The following SHCBP1 variants were observed in gnomAD, a reference collection of about 807,000 sequenced individuals.
The protein encoded by SHCBP1 is SHC binding and spindle associated 1, also known as SHC SH2 domain-binding protein 1.
Under a neutral mutation model 75.1 loss-of-function variants are expected in SHCBP1, and 60 were observed. That is an observed-to-expected ratio of 0.80 (90% CI 0.65 to 0.99). The LOEUF (loss-of-function observed/expected upper bound fraction) is 0.99. Among genes scored for constraint, SHCBP1 ranks in the 50% least tolerant of loss-of-function variants. SHCBP1 has a pLI of 0.00. For synonymous variants in SHCBP1, 290 were observed against 293.2 expected (o/e 0.99, Z 0.11); for missense variants, 709 against 809.4 (o/e 0.88, Z 1.50).
At position 46,618,250 on chromosome 16, in the gene SHCBP1, G is replaced by A. The variant is rs1432943783; in HGVS notation, c.226C>T (p.Leu76Phe). 3 of 1,612,256 alleles carry A rather than the reference G, an allele frequency of 1.9e-6. No individual in the cohort carries two copies. Among genetic ancestry groups the A allele is most frequent in the Non-Finnish European group, 2.5e-6 (3 of 1,179,596 alleles). ...FFPEIFQTNQ[L>F]LFYERFRAYQ... ...GCTCTGAATCGCTCATAGAACAAAA[G>A]TTGATTTGTTTGGAAAATTTCTGGG... The change falls in exon 2 of 13, where the codon CTT becomes TTT. Residue 76 changes from leucine (L) to phenylalanine (F), a missense_variant. Coordinates refer to ENST00000303383, the MANE Select transcript of SHCBP1 (RefSeq NM_024745.5).
rs1404242516 is a variant in SHCBP1, at chr16:46,581,777, G to A, written c.1971C>T (p.Asn657=). 1 of 1,613,996 alleles carries A rather than the reference G, an allele frequency of 6.2e-7. No individual in the cohort carries two copies. Among genetic ancestry groups the A allele is most frequent in the African/African-American group, 1.3e-5 (1 of 74,904 alleles). The change falls in exon 13 of 13, where the codon AAC becomes AAT. Residue 657 remains asparagine (N), a synonymous_variant. Coordinates refer to ENST00000303383, the MANE Select transcript of SHCBP1 (RefSeq NM_024745.5). ...SQEMFVGIVG[N]QFKWNGKGSF... is the part of the protein sequence containing the mutation. Reference sequence around the variant, plus strand: ...TACCTTTCCCATTCCACTTGAACTGGTTCCCCACAATCCCAACAAACATCT... The same window carrying A: ...TACCTTTCCCATTCCACTTGAACTGATTCCCCACAATCCCAACAAACATCT...
At chr16:46,600,477 A>AATG (rs1232266772) in intron 8 of SHCBP1, among the ~76,000 whole-genome samples, 1 of 152,046 alleles carries the variant, frequency 6.6e-6, no homozygotes, top group Non-Finnish European at 1.5e-5. Flanking sequence ...CATCTCAAAA[A>AATG]ATGATAATAA....
At chr16:46,619,216 T>G (rs564682474) in intron 1 of SHCBP1, among the ~76,000 whole-genome samples, 2 of 152,254 alleles carry the variant, frequency 1.3e-5, no homozygotes, top group African/African-American at 4.8e-5. Flanking sequence ...TCTAATTCTA[T>G]GTAATGTTTT....
At chr16:46,584,322 CACACACA>C in intron 10 of SHCBP1, 1 of 320,114 alleles carries the variant, frequency 3.1e-6, no homozygotes, top group African/African-American at 2.1e-5. Flanking sequence ...CACACACACA[CACACACA>C]CGCTAAGAGT....
intron 4 of SHCBP1, among the ~76,000 whole-genome samples, chr16:46,615,075 C>T (rs1201067780): frequency 6.6e-6 from 1 of 152,178 alleles, no homozygotes; most frequent in Admixed American, 6.5e-5. Context: ...TCCTCTTCCT[C>T]CTCTGGTGAA....
At chr16:46,592,479 C>T (rs1965062364) in intron 10 of SHCBP1, among the ~76,000 whole-genome samples, 1 of 152,062 alleles carries the variant, frequency 6.6e-6, no homozygotes. Context: ...AAAGAGAAAT[C>T]TCCGGGCCCA....
chr16:46,592,963 A>AAAAAAAAAAAAAAG, intron 10 of SHCBP1, among the ~76,000 whole-genome samples: 1 of 144,284 alleles, frequency 6.9e-6, no homozygotes, highest in Admixed American at 6.9e-5. Context: ...AAAAAAAAAA[A>AAAAAAAAAAAAAAG]AAAAAAAAAA....
rs1567445537 is a variant in SHCBP1 at position 46,595,671 on chromosome 16, C to T, written c.1346-1G>A. The T allele has an allele frequency of 6.2e-7, 1 of 1,611,310 alleles. No individual in the cohort carries two copies. The highest frequency in any genetic ancestry group is 2.2e-5 in the East Asian group (1 of 44,846). On this transcript the variant is annotated splice_acceptor_variant, in intron 9 of 12. Transcript: ENST00000303383. LOFTEE classifies it high-confidence loss of function. ...AGCGTAGTCTTACCACGGTGAACAA[C>T]TGGGATGAAAATACACGCTGACTGT...
At chr16:46,602,317 A>T (rs1023686354) in intron 8 of SHCBP1, among the ~76,000 whole-genome samples, 1 of 152,226 alleles carries the variant, frequency 6.6e-6, no homozygotes, top group African/African-American at 2.4e-5. Flanking sequence ...AATTACACAC[A>T]TAAAATAAAA....
At chr16:46,610,003 T>C (rs1161225982) in intron 4 of SHCBP1, among the ~76,000 whole-genome samples, 1 of 151,240 alleles carries the variant, frequency 6.6e-6, no homozygotes, top group African/African-American at 2.4e-5. Flanking sequence ...CAGGCTGGAG[T>C]GCAACGGTGC....
chr16:46,607,382 C>G (rs1965341840), intron 5 of SHCBP1, among the ~76,000 whole-genome samples: 1 of 152,056 alleles, frequency 6.6e-6, no homozygotes, highest in South Asian at 2.1e-4. Context: ...CTTCAGCCTC[C>G]CAAATTACTG....
chr16:46,584,324 C>T (rs1436969559), intron 10 of SHCBP1: 3 of 300,428 alleles, frequency 1.0e-5, no homozygotes, highest in African/African-American at 6.5e-5. Flanking sequence ...CACACACACA[C>T]ACACACGCTA....
intron 4 of SHCBP1, among the ~76,000 whole-genome samples, chr16:46,612,350 A>G (rs755572125): frequency 2.6e-5 from 4 of 152,210 alleles, no homozygotes; most frequent in Admixed American, 1.3e-4. Context: ...GACTGTGATT[A>G]TATATAACTC....
chr16:46,620,934 G>A, intron 1 of SHCBP1: 1 of 288,634 alleles, frequency 3.5e-6, no homozygotes, highest in Non-Finnish European at 6.4e-6. Flanking sequence ...GGCCCCTTGA[G>A]CAACAGTAAA....
At position 46,581,832 on chromosome 16, in the gene SHCBP1, G is replaced by A. The variant is rs370886430; in HGVS notation, c.1916C>T (p.Thr639Met). The A allele has an allele frequency of 9.9e-6, 16 of 1,614,006 alleles. No homozygotes were observed. In the Admixed American group the frequency reaches 1.0e-4, roughly 10 times the overall value. Residue 639 changes from threonine (T) to methionine (M), a missense_variant, in exon 13 of 13, where the codon ACG (threonine) becomes ATG (methionine). Coordinates refer to ENST00000303383, the MANE Select transcript of SHCBP1 (RefSeq NM_024745.5). ...TGACATTAAGTTGTCATCAGCTTGCGTGATCCCCAGTTCACTCAACCTTTT... is the reference window on the plus strand; with the variant it reads ...TGACATTAAGTTGTCATCAGCTTGCATGATCCCCAGTTCACTCAACCTTTT... ...KKKRLSELGI[T>M]QADDNLMSQE...
chr16:46,579,025 T>C lies in SHCBP1; in HGVS notation c.*2704A>G, dbSNP rs1161098220. 2.0e-5 allele frequency among the ~76,000 whole-genome samples: 3 copies of C among 152,302 alleles called. No homozygotes were observed. The South Asian group carries it at 6.2e-4, about 32-fold the overall frequency. ...GATCAAATGATCTCTGGGCAGTTTT[T>C]AAAAATATATTCGTGTTAATATCTA... On this transcript the variant is annotated 3_prime_UTR_variant, in exon 13 of 13. Coordinates refer to ENST00000303383, the MANE Select transcript of SHCBP1 (RefSeq NM_024745.5).
intron 4 of SHCBP1, among the ~76,000 whole-genome samples, chr16:46,614,622 T>A (rs1054531264): frequency 1.3e-5 from 2 of 152,064 alleles, no homozygotes; most frequent in Admixed American, 6.6e-5. Context: ...CAGGAATACA[T>A]CCCCTAAGGA....
At chr16:46,617,881 A>G in intron 2 of SHCBP1, 132 bp from the exon 3 acceptor site, 1 of 765,634 alleles carries the variant, frequency 1.3e-6, no homozygotes, top group Non-Finnish European at 2.1e-6. Context: ...CTAAAAAGAT[A>G]AAAGATGCAA....
chr16:46,610,472 C>CT (rs1341685315), intron 4 of SHCBP1, among the ~76,000 whole-genome samples: 1 of 145,810 alleles, frequency 6.9e-6, no homozygotes, highest in African/African-American at 2.5e-5. Flanking sequence ...ACCTCTCCCT[C>CT]TTTTTTCCCT....
Sources: gnomAD v4.1 joint callset for allele counts (sites outside exome capture counted in the v4.1 genomes callset) on GRCh38, gnomAD v4.1.1 for gene constraint, MANE v1.5 for transcripts, NCBI Gene and HGNC (gene_info 2026-07-23, HGNC 2026-07-21) for gene names.